The following ANKS1B variants were observed in gnomAD, a reference collection of about 807,000 sequenced individuals.
ANKS1B encodes the protein ankyrin repeat and sterile alpha motif domain containing 1B.
ANKS1B carries 36 observed loss-of-function variants against 148.3 expected under a neutral mutation model. The ratio of observed to expected loss-of-function variants is 0.24; its 90% CI spans 0.19 to 0.32. The LOEUF (loss-of-function observed/expected upper bound fraction) is 0.32, where lower values mean the gene tolerates loss of function less well. Ranked by LOEUF, ANKS1B falls within the 10% of genes least tolerant of loss-of-function variation. The pLI is 1.00. For missense variants in ANKS1B, 1,157 were observed against 1,542.6 expected (o/e 0.75, Z 4.19); for synonymous variants, 542 against 560.8 (o/e 0.97, Z 0.47).
chr12:99,230,162 C>T (rs1412661374), intron 14 of ANKS1B, among the ~76,000 whole-genome samples: 1 of 152,018 alleles, frequency 6.6e-6, no homozygotes, highest in African/African-American at 2.4e-5. Flanking sequence ...AAGTGAAATT[C>T]AGACTGATGA....
chr12:99,735,484 C>T (rs1471852176), intron 8 of ANKS1B, among the ~76,000 whole-genome samples: 1 of 151,974 alleles, frequency 6.6e-6, no homozygotes, highest in Admixed American at 6.6e-5. Context: ...TTATTAACAG[C>T]TATACATAAA....
At position 99,193,690 on chromosome 12, in the gene ANKS1B, A is replaced by G. The variant is rs143567558; in HGVS notation, c.2420-39295T>C. Among the ~76,000 whole-genome samples, 232 of 151,182 alleles carry G rather than the reference A, an allele frequency of 1.5e-3. 1 individual carries two copies. Among genetic ancestry groups the G allele is most frequent in the African/African-American group, 5.1e-3 (211 of 41,362 alleles). On this transcript the variant is annotated intron_variant, in intron 14 of 26. Coordinates refer to ENST00000683438, the MANE Select transcript of ANKS1B (RefSeq NM_001352186.2). ...TCCTAGAATACTCAATACATGTTATATGAATGAATTGCTCATCTGACTTTC... is the reference window on the plus strand; with the variant it reads ...TCCTAGAATACTCAATACATGTTATGTGAATGAATTGCTCATCTGACTTTC...
At chr12:99,752,503 A>G (rs1168809298) in intron 8 of ANKS1B, among the ~76,000 whole-genome samples, 1 of 152,074 alleles carries the variant, frequency 6.6e-6, no homozygotes, top group African/African-American at 2.4e-5. Context: ...TGGATGAACT[A>G]AAGCAATGAA....
intron 10 of ANKS1B, among the ~76,000 whole-genome samples, chr12:99,465,430 T>G (rs1477682551): frequency 6.6e-6 from 1 of 152,140 alleles, no homozygotes; most frequent in Non-Finnish European, 1.5e-5. Context: ...AGGATCAAAT[T>G]CAAACATAAC....
At chr12:99,336,972 G>T (rs2089017167) in intron 12 of ANKS1B, among the ~76,000 whole-genome samples, 1 of 152,024 alleles carries the variant, frequency 6.6e-6, no homozygotes, top group African/African-American at 2.4e-5. Flanking sequence ...GTTATTAAGT[G>T]TCTTGAGGTA....
At chr12:99,075,215 G>T (rs1239198964) in intron 16 of ANKS1B, among the ~76,000 whole-genome samples, 2 of 152,156 alleles carry the variant, frequency 1.3e-5, no homozygotes, top group East Asian at 1.9e-4. Context: ...GAATCCTGGT[G>T]AATCAAATGT....
At chr12:99,462,695 C>A (rs2096003153) in intron 10 of ANKS1B, among the ~76,000 whole-genome samples, 2 of 152,162 alleles carry the variant, frequency 1.3e-5, no homozygotes, top group African/African-American at 4.8e-5. Flanking sequence ...GTATACTTGT[C>A]TCCTCCAAAT....
At chr12:99,415,073 G>T (rs964437309) in intron 11 of ANKS1B, among the ~76,000 whole-genome samples, 1 of 152,084 alleles carries the variant, frequency 6.6e-6, no homozygotes, top group Non-Finnish European at 1.5e-5. Context: ...TTTAATAAAG[G>T]TCAAAAGTAG....
At chr12:99,511,121 C>T (rs1422168902) in intron 9 of ANKS1B, among the ~76,000 whole-genome samples, 1 of 151,986 alleles carries the variant, frequency 6.6e-6, no homozygotes, top group African/African-American at 2.4e-5. Flanking sequence ...GGGAATGCTT[C>T]CAGCTTTTGC....
chr12:99,795,324 C>A (rs983804172), intron 4 of ANKS1B, among the ~76,000 whole-genome samples: 6 of 151,746 alleles, frequency 4.0e-5, no homozygotes, highest in Middle Eastern at 3.4e-3. Context: ...GCGGACTTCA[C>A]AACAAAAATA....
At chr12:99,646,026 TAAAAAAA>T (rs34337860) in intron 9 of ANKS1B, among the ~76,000 whole-genome samples, 5 of 131,866 alleles carry the variant, frequency 3.8e-5, no homozygotes, top group Admixed American at 7.6e-5. Context: ...AGAAAATCAG[TAAAAAAA>T]AAAAAAAAAG....
chr12:99,933,596 T>C (rs1012735363), intron 1 of ANKS1B, among the ~76,000 whole-genome samples: 1 of 152,196 alleles, frequency 6.6e-6, no homozygotes, highest in Non-Finnish European at 1.5e-5. Flanking sequence ...TTTTGTATTC[T>C]GCAACTTTAC....
At chr12:99,320,459 T>C (rs1381303503) in intron 12 of ANKS1B, among the ~76,000 whole-genome samples, 1 of 152,204 alleles carries the variant, frequency 6.6e-6, no homozygotes. Flanking sequence ...CAATCACTGA[T>C]ACCCTTTCTT....
At chr12:99,203,726 C>T (rs1306073275) in intron 14 of ANKS1B, among the ~76,000 whole-genome samples, 2 of 152,192 alleles carry the variant, frequency 1.3e-5, no homozygotes, top group South Asian at 2.1e-4. Flanking sequence ...GCTGGGATTA[C>T]AGGCGTGAGC....
At chr12:98,901,782 A>G (rs1318891943) in intron 17 of ANKS1B, among the ~76,000 whole-genome samples, 1 of 152,158 alleles carries the variant, frequency 6.6e-6, no homozygotes, top group Non-Finnish European at 1.5e-5. Flanking sequence ...CGAGTTAGGC[A>G]TTGGGAAAGG....
chr12:99,160,369 T>C (rs895800434), intron 14 of ANKS1B, among the ~76,000 whole-genome samples: 4 of 151,818 alleles, frequency 2.6e-5, no homozygotes, highest in African/African-American at 7.3e-5. Context: ...GATGGAGTCT[T>C]GCTCTGTCAC....
At chr12:98,759,919 G>A (rs2098362818) in intron 25 of ANKS1B, among the ~76,000 whole-genome samples, 1 of 152,102 alleles carries the variant, frequency 6.6e-6, no homozygotes, top group South Asian at 2.1e-4. Context: ...GGTGAAGATT[G>A]CAATGAGCCG....
intron 14 of ANKS1B, among the ~76,000 whole-genome samples, chr12:99,177,109 G>A (rs1161165879): frequency 6.6e-6 from 1 of 152,132 alleles, no homozygotes; most frequent in Non-Finnish European, 1.5e-5. Context: ...ACAACAGGTT[G>A]TACCAGGCAT....
chr12:99,022,202 A>G (rs918294073), intron 17 of ANKS1B, among the ~76,000 whole-genome samples: 1 of 152,170 alleles, frequency 6.6e-6, no homozygotes, highest in African/African-American at 2.4e-5. Flanking sequence ...ATGTGGACAG[A>G]AATATTGCTA....
Sources: gnomAD v4.1 joint callset for allele counts (sites outside exome capture counted in the v4.1 genomes callset) on GRCh38, gnomAD v4.1.1 for gene constraint, MANE v1.5 for transcripts, NCBI Gene and HGNC (gene_info 2026-07-23, HGNC 2026-07-21) for gene names.